IRF8: variants seen among roughly 807,000 people sequenced by gnomAD.
IRF8 encodes interferon regulatory factor 8.
Under a neutral mutation model 48.7 loss-of-function variants are expected in IRF8, and 14 were observed. The ratio of observed to expected loss-of-function variants is 0.29; its 90% CI spans 0.19 to 0.45. The LOEUF (loss-of-function observed/expected upper bound fraction) is 0.45, where lower values mean the gene tolerates loss of function less well. Ranked by LOEUF, IRF8 falls within the 20% of genes least tolerant of loss-of-function variation. The probability of loss-of-function intolerance (pLI) is 1.00; values close to 1 mark genes in which losing one functional copy is unlikely to be tolerated. For missense variants in IRF8, 493 were observed against 580.7 expected (o/e 0.85, Z 1.55); for synonymous variants, 278 against 227.3 (o/e 1.22, Z -2.01).
intron 3 of IRF8, chr16:85,909,562 G>C (rs3794660): frequency 0.034 from 9,122 of 268,398 alleles, 193 homozygotes; most frequent in East Asian, 0.076. Flanking sequence ...AAAGCTCTCA[G>C]ATGAAGTTGT....
chr16:85,905,525 G>C (rs1216189466), intron 2 of IRF8, among the ~76,000 whole-genome samples: 1 of 152,216 alleles, frequency 6.6e-6, no homozygotes, highest in Non-Finnish European at 1.5e-5. Flanking sequence ...GCAGGAATGG[G>C]GCCAGGAGGG....
intron 6 of IRF8, among the ~76,000 whole-genome samples, chr16:85,917,794 T>A (rs945485089): frequency 6.6e-6 from 1 of 152,204 alleles, no homozygotes; most frequent in African/African-American, 2.4e-5. Flanking sequence ...GTATCACCCC[T>A]CCCCCATTAT....
chr16:85,912,583 T>C (rs1016487770), intron 4 of IRF8, among the ~76,000 whole-genome samples: 2 of 152,234 alleles, frequency 1.3e-5, no homozygotes, highest in African/African-American at 2.4e-5. Flanking sequence ...TGTCCTGTTT[T>C]CTGTAGAAGG....
Position 85,921,708 on chromosome 16 carries a change from G to T in IRF8, c.*426G>T. The stretch of plus-strand genomic sequence containing the variant: ...GTTTTTGTCTTTATCGTTTGTTAGA[G>T]TTATAGATTTATGATTTCATAGGCT... On this transcript the variant is annotated 3_prime_UTR_variant, in exon 9 of 9. Transcript: ENST00000268638. 1 of 236,962 alleles carries T rather than the reference G, an allele frequency of 4.2e-6. No homozygotes were observed. The highest frequency in any genetic ancestry group is 8.4e-6 in the Non-Finnish European group (1 of 119,068). The allele number at this position is 236,962 out of a possible 1,614,324, so 14.7% of individuals were successfully genotyped here.
chr16:85,917,288 G>C (rs945878024), intron 6 of IRF8, among the ~76,000 whole-genome samples: 1 of 152,214 alleles, frequency 6.6e-6, no homozygotes, highest in Non-Finnish European at 1.5e-5. Flanking sequence ...CTCATTGCTA[G>C]CGTATGTAAT....
In IRF8 at chr16:85,918,904, G is replaced by A; in HGVS notation, c.988+101G>A. 2.1e-6 allele frequency: 3 copies of A among 1,455,120 alleles called. No homozygotes were observed. The East Asian group carries it at 6.8e-5, about 33-fold the overall frequency. The allele number at this position is 1,455,120 out of a possible 1,614,324, so 90.1% of individuals were successfully genotyped here. A position where few individuals can be genotyped will look rare whatever the true frequency, so the allele number is the denominator to read the frequency against. On this transcript the variant is annotated intron_variant, in intron 7 of 8. Coordinates refer to ENST00000268638, the MANE Select transcript of IRF8 (RefSeq NM_002163.4). ...GGGTGGCCCTGTGGTCTCATGGAGG[G>A]ATGTGGAGGAGGAGTGAGGGGCATG...
rs1905568015 is a variant in IRF8, at chr16:85,921,472, A to T, written c.*190A>T. ...GAAGTGGCGGCATAGCCCTGCCGAG[A>T]TGTCGGTGATGGCCTGGATGCTGTA... On this transcript the variant is annotated 3_prime_UTR_variant, in exon 9 of 9. Transcript: ENST00000268638. 6 of 655,164 alleles carry T rather than the reference A, an allele frequency of 9.2e-6. No individual in the cohort carries two copies. In the East Asian group the frequency reaches 1.4e-4, roughly 15 times the overall value. The allele number at this position is 655,164 out of a possible 1,614,324, so 40.6% of individuals were successfully genotyped here. A position where few individuals can be genotyped will look rare whatever the true frequency, so the allele number is the denominator to read the frequency against.
chr16:85,902,747 C>G (rs1904863840), intron 1 of IRF8: 1 of 510,990 alleles, frequency 2.0e-6, no homozygotes. Context: ...GGAAGGAGCA[C>G]AGCCAGCACA....
chr16:85,909,517 G>A, intron 3 of IRF8: 1 of 346,246 alleles, frequency 2.9e-6, no homozygotes, highest in Non-Finnish European at 5.6e-6. Flanking sequence ...AAAATATGGT[G>A]ACCACAGAAG....
At chr16:85,908,036 G>T (rs1905053241) in intron 2 of IRF8, among the ~76,000 whole-genome samples, 1 of 151,766 alleles carries the variant, frequency 6.6e-6, no homozygotes, top group African/African-American at 2.4e-5. Flanking sequence ...TTTTCCTGAA[G>T]TGGGTACAGC....
intron 2 of IRF8, among the ~76,000 whole-genome samples, chr16:85,904,926 G>A (rs983702582): frequency 1.4e-5 from 2 of 147,700 alleles, no homozygotes; most frequent in African/African-American, 5.1e-5. Context: ...CTGCATTATA[G>A]ATAACCCCAA....
rs200040263 is a variant in IRF8 at position 85,909,177 on chromosome 16, A to G, written c.358+4A>G. 3 of 1,613,830 alleles carry G rather than the reference A, an allele frequency of 1.9e-6. No individual in the cohort carries two copies. Among genetic ancestry groups the G allele is most frequent in the Non-Finnish European group, 2.5e-6 (3 of 1,179,790 alleles). ...GTTCCTGAGGAAGAGCAAAAATGTAACTATCCTTTATGGGCATGAAACCTT... is the reference window on the plus strand; with the variant it reads ...GTTCCTGAGGAAGAGCAAAAATGTAGCTATCCTTTATGGGCATGAAACCTT... On this transcript the variant is annotated splice_donor_region_variant and intron_variant, in intron 3 of 8. Transcript: ENST00000268638.
chr16:85,904,810 A>ATTTTTTTTTTTTTTTTTTTTT lies in IRF8; in HGVS notation c.174+1622_174+1623insTTTTTTTTTTTTTTTTTTTTT, dbSNP rs1418168585. 7.7e-5 allele frequency among the ~76,000 whole-genome samples: 5 copies of ATTTTTTTTTTTTTTTTTTTTT among 64,616 alleles called. 1 individual carries two copies. The highest frequency in any genetic ancestry group is 2.9e-4 in the Admixed American group (2 of 6,804). 42.4% of individuals were successfully genotyped at this position (64,616 alleles called of 152,430 possible). On this transcript the variant is annotated intron_variant, in intron 2 of 8. Transcript: ENST00000268638. ...GGATTTCTCTCTTGTTTGATTGCAG[A>ATTTTTTTTTTTTTTTTTTTTT]TCTTTTTTTTTTTTTTTTTTTTGCC...
At chr16:85,902,152 C>T (rs987441460) in intron 1 of IRF8, among the ~76,000 whole-genome samples, 1 of 151,974 alleles carries the variant, frequency 6.6e-6, no homozygotes, top group Non-Finnish European at 1.5e-5. Context: ...GGAAGAGGAG[C>T]CCAGTGAACT....
At chr16:85,905,039 A>T (rs936472011) in intron 2 of IRF8, among the ~76,000 whole-genome samples, 2 of 151,888 alleles carry the variant, frequency 1.3e-5, no homozygotes, top group Non-Finnish European at 2.9e-5. Context: ...GGCATCTCTG[A>T]CCTCTACCCA....
Position 85,918,496 on chromosome 16 carries a change from C to T in IRF8, c.681C>T (p.Cys227=), listed in dbSNP as rs1346212395. Residue 227 remains cysteine, a synonymous_variant, in exon 7 of 9, where the codon TGC becomes TGT. Coordinates refer to ENST00000268638, the MANE Select transcript of IRF8 (RefSeq NM_002163.4). Reference sequence around the variant, plus strand: ...CCACCACCACCTGCCCCGAGGGCTGCCGCCTGTCCCTGAGCCAGCCTGGGC... The same window carrying T: ...CCACCACCACCTGCCCCGAGGGCTGTCGCCTGTCCCTGAGCCAGCCTGGGC... ...GQATTTCPEG[C]RLSLSQPGLP... The T allele has an allele frequency of 1.9e-6, 3 of 1,592,692 alleles. No individual in the cohort carries two copies. The African/African-American group carries it at 4.0e-5, about 21-fold the overall frequency.
At chr16:85,900,710 G>A (rs766170930) in intron 1 of IRF8, among the ~76,000 whole-genome samples, 15 of 152,284 alleles carry the variant, frequency 9.9e-5, no homozygotes, top group Middle Eastern at 6.8e-3. Flanking sequence ...AATAAAGAGG[G>A]GACTGGATTA....
intron 1 of IRF8, among the ~76,000 whole-genome samples, 176 bp downstream of exon 1, chr16:85,899,399 A>G (rs181809784): frequency 2.0e-5 from 3 of 152,304 alleles, no homozygotes; most frequent in Admixed American, 6.5e-5. Flanking sequence ...CCTAAGTCCA[A>G]TCTGAATGCC....
At chr16:85,899,695 A>C (rs533517247) in intron 1 of IRF8, among the ~76,000 whole-genome samples, 1 of 152,198 alleles carries the variant, frequency 6.6e-6, no homozygotes, top group East Asian at 1.9e-4. Context: ...AATTCTGTTT[A>C]ATGACAGTCA....
Sources: allele counts gnomAD v4.1 joint callset (sites outside exome capture counted in the v4.1 genomes callset), GRCh38; gene constraint gnomAD v4.1.1; transcripts MANE v1.5; gene names NCBI Gene and HGNC (gene_info 2026-07-23, HGNC 2026-07-21).